SIPA1L3: variants seen among roughly 807,000 people sequenced by gnomAD.
The protein encoded by SIPA1L3 is signal-induced proliferation-associated 1-like protein 3.
SIPA1L3 carries 59 observed loss-of-function variants against 150.1 expected under a neutral mutation model. That is an observed-to-expected ratio of 0.39 (90% CI 0.32 to 0.49). SIPA1L3 has a LOEUF of 0.49. SIPA1L3 is among the 20% of genes least tolerant of loss of function. SIPA1L3 has a pLI of 0.86. For synonymous variants in SIPA1L3, 1,070 were observed against 1,077.6 expected, an observed-to-expected ratio of 0.99 and a Z score of 0.14; for missense variants, 2,211 against 2,489.5, an observed-to-expected ratio of 0.89 and a Z score of 2.38.
chr19:38,136,645 CA>C (rs1971443880), intron 10 of SIPA1L3, among the ~76,000 whole-genome samples: 1 of 152,088 alleles, frequency 6.6e-6, no homozygotes, highest in Non-Finnish European at 1.5e-5. Flanking sequence ...CAGGCCTTCT[CA>C]AATGTTATTG....
intron 1 of SIPA1L3, among the ~76,000 whole-genome samples, chr19:37,996,659 C>G (rs567271049): frequency 7.1e-4 from 108 of 152,196 alleles, no homozygotes; most frequent in African/African-American, 2.5e-3. Context: ...CTTTGACCAA[C>G]ATCTCCACAA....
intron 1 of SIPA1L3, among the ~76,000 whole-genome samples, chr19:37,995,727 T>C (rs1967625583): frequency 6.6e-6 from 1 of 152,126 alleles, no homozygotes; most frequent in Non-Finnish European, 1.5e-5. Context: ...TAAGGAAGCC[T>C]CTTTGGGTTG....
intron 2 of SIPA1L3, among the ~76,000 whole-genome samples, chr19:38,065,902 C>CTTATTTAT (rs950492911): frequency 1.4e-4 from 12 of 87,582 alleles, no homozygotes; most frequent in African/African-American, 3.9e-4. Context: ...GGTTTGATCT[C>CTTATTTAT]TTATTTATTT....
chr19:37,914,829 T>C (rs1243404258), intron 1 of SIPA1L3, among the ~76,000 whole-genome samples: 2 of 152,194 alleles, frequency 1.3e-5, no homozygotes, highest in Non-Finnish European at 2.9e-5. Flanking sequence ...ATAATAATAA[T>C]GATAGCAGCT....
At chr19:38,114,502 G>A (rs918521168) in intron 8 of SIPA1L3, among the ~76,000 whole-genome samples, 2 of 151,800 alleles carry the variant, frequency 1.3e-5, no homozygotes, top group Non-Finnish European at 2.9e-5. Context: ...GCCCCATTCA[G>A]TAGAGAGAGG....
intron 4 of SIPA1L3, among the ~76,000 whole-genome samples, chr19:38,093,887 G>A (rs959667231): frequency 2.0e-5 from 3 of 152,170 alleles, no homozygotes; most frequent in South Asian, 2.1e-4. Context: ...CAGGGTGAGC[G>A]CCAGGCCAGG....
intron 1 of SIPA1L3, among the ~76,000 whole-genome samples, chr19:37,977,577 C>T (rs2145607326): frequency 6.6e-6 from 1 of 152,028 alleles, no homozygotes; most frequent in East Asian, 1.9e-4. Flanking sequence ...TGGCAGTCCC[C>T]TCCACGCCCC....
intron 1 of SIPA1L3, among the ~76,000 whole-genome samples, chr19:37,908,711 A>G (rs944879149): frequency 3.3e-5 from 5 of 151,822 alleles, no homozygotes; most frequent in African/African-American, 1.2e-4. Context: ...CCTCCCTCCC[A>G]AATTTTACTT....
intron 1 of SIPA1L3, among the ~76,000 whole-genome samples, chr19:37,926,596 C>T (rs1297769384): frequency 6.6e-6 from 1 of 152,082 alleles, no homozygotes; most frequent in Non-Finnish European, 1.5e-5. Context: ...CCAGGTGGCT[C>T]AGGCTTGGGG....
chr19:38,094,746 A>G (rs112285404), intron 4 of SIPA1L3, among the ~76,000 whole-genome samples: 24,042 of 152,036 alleles, frequency 0.16, 2,011 homozygotes, highest in African/African-American at 0.21. Context: ...CAACCTGGAC[A>G]ACGTAGCGAG....
At chr19:38,054,204 C>T (rs773383889) in intron 2 of SIPA1L3, among the ~76,000 whole-genome samples, 3 of 151,900 alleles carry the variant, frequency 2.0e-5, no homozygotes, top group Admixed American at 2.0e-4. Context: ...ACTAGCCAGG[C>T]GTAGTGGCAC....
chr19:38,080,941 G>A (rs1969962922), intron 2 of SIPA1L3, among the ~76,000 whole-genome samples: 1 of 150,426 alleles, frequency 6.6e-6, no homozygotes, highest in Non-Finnish European at 1.5e-5. Flanking sequence ...CTGCACTCCA[G>A]CCTGGGTGAC....
intron 1 of SIPA1L3, among the ~76,000 whole-genome samples, chr19:37,959,840 G>A (rs1177113984): frequency 6.9e-6 from 1 of 143,896 alleles, no homozygotes; most frequent in Non-Finnish European, 1.5e-5. Flanking sequence ...TTTTAATTGG[G>A]TCTCTAGGGA....
intron 1 of SIPA1L3, among the ~76,000 whole-genome samples, chr19:37,973,154 G>A (rs1219156617): frequency 6.6e-6 from 1 of 151,422 alleles, no homozygotes; most frequent in Admixed American, 6.6e-5. Flanking sequence ...ACCCAGGTCA[G>A]AACACGTGTT....
intron 8 of SIPA1L3, among the ~76,000 whole-genome samples, chr19:38,112,097 CTACATGCACACACA>C (rs1299458092): frequency 4.1e-5 from 6 of 147,932 alleles, no homozygotes; most frequent in South Asian, 4.3e-4. Context: ...ATGCACACAC[CTACATGCACACACA>C]TACATGCACA....
At chr19:38,170,385 G>A (rs1043411829) in intron 15 of SIPA1L3, among the ~76,000 whole-genome samples, 31 of 152,224 alleles carry the variant, frequency 2.0e-4, no homozygotes, top group African/African-American at 7.0e-4. Context: ...ACTGTGCACC[G>A]GGCAGCCCAG....
intron 12 of SIPA1L3, 48 bp downstream of exon 12, chr19:38,142,758 G>A (rs780022021): frequency 6.4e-7 from 1 of 1,570,262 alleles, no homozygotes; most frequent in South Asian, 1.2e-5. Context: ...GATGAAAGCT[G>A]TGCCTCCTTC....
intron 1 of SIPA1L3, among the ~76,000 whole-genome samples, chr19:37,915,365 G>T (rs1304383124): frequency 6.6e-6 from 1 of 151,986 alleles, no homozygotes; most frequent in Admixed American, 6.6e-5. Flanking sequence ...GCTGGAAAAG[G>T]TGTTTTTTTT....
At chr19:38,071,063 G>A (rs79845077) in intron 2 of SIPA1L3, among the ~76,000 whole-genome samples, 2,140 of 152,248 alleles carry the variant, frequency 0.014, 51 homozygotes, top group African/African-American at 0.045. Context: ...CTTCTTGGGC[G>A]TGCTGCTTCC....
Sources: allele counts gnomAD v4.1 joint callset (sites outside exome capture counted in the v4.1 genomes callset), GRCh38; gene constraint gnomAD v4.1.1; transcripts MANE v1.5; gene names NCBI Gene and HGNC (gene_info 2026-07-23, HGNC 2026-07-21).